BRCA2: variants seen among roughly 807,000 people sequenced by gnomAD.
BRCA2 encodes the protein breast cancer type 2 susceptibility protein.
Under a neutral mutation model 276.7 loss-of-function variants are expected in BRCA2, and 203 were observed. The observed-to-expected ratio is 0.73, with a 90% confidence interval of 0.65 to 0.82. The LOEUF (loss-of-function observed/expected upper bound fraction) is 0.82. BRCA2 is among the 40% of genes least tolerant of loss of function. The pLI, the probability that BRCA2 is intolerant of heterozygous loss-of-function variation, is 0.00. For synonymous variants in BRCA2, 1,289 were observed against 1,338.4 expected (o/e 0.96, Z 0.81); for missense variants, 3,920 against 3,915.0 (o/e 1.00, Z -0.03).
intron 19 of BRCA2, 91 bp downstream of exon 19, chr13:32,370,648 C>G (rs2137598753): frequency 7.1e-7 from 1 of 1,414,820 alleles, no homozygotes; most frequent in Non-Finnish European, 9.8e-7. Context: ...CGGTCTCTTG[C>G]CCAGGCTGGA....
At chr13:32,327,565 G>C (rs1290180572) in intron 7 of BRCA2, among the ~76,000 whole-genome samples, 3 of 151,674 alleles carry the variant, frequency 2.0e-5, no homozygotes, top group Admixed American at 2.0e-4. Flanking sequence ...AGCTACTCAG[G>C]AGGCTGAGGC....
intron 3 of BRCA2, among the ~76,000 whole-genome samples, chr13:32,320,885 G>T (rs959719681): frequency 3.9e-5 from 6 of 152,142 alleles, no homozygotes; most frequent in African/African-American, 1.4e-4. Context: ...CTTCTAGACT[G>T]CTCATTGAAA....
chr13:32,319,717 T>A (rs1202531349), intron 3 of BRCA2, among the ~76,000 whole-genome samples: 2 of 152,102 alleles, frequency 1.3e-5, no homozygotes. Flanking sequence ...TTGGAAGGAG[T>A]TTCCCTGGCG....
intron 25 of BRCA2, chr13:32,396,249 C>T (rs2073036457): frequency 6.0e-6 from 1 of 165,796 alleles, no homozygotes; most frequent in Non-Finnish European, 1.3e-5. Flanking sequence ...ACTGGGTTTA[C>T]AGGCATGAGC....
In BRCA2 at chr13:32,325,102, A is replaced by G. The variant is rs56242644; in HGVS notation, c.343A>G (p.Lys115Glu). 32 of 1,602,198 alleles carry G rather than the reference A, an allele frequency of 2.0e-5. No individual in the cohort carries two copies. Among genetic ancestry groups the G allele is most frequent in the Non-Finnish European group, 2.4e-5 (28 of 1,169,254 alleles). Residue 115 changes from lysine to glutamate, a missense_variant, in exon 4 of 27, where the codon AAA becomes GAA. Around this residue, in one of 2 missense-constraint regions of BRCA2, gnomAD observed 3,263 missense variants for 3,156.9 expected, o/e 1.03. Coordinates refer to ENST00000380152, the MANE Select transcript of BRCA2 (RefSeq NM_000059.4). ...AAGGAATGTTCCCAATAGTAGACAT[A>G]AAAGTCTTCGCACAGTGAAAACTAA... Reference protein sequence around the residue: ...LGRNVPNSRHKSLRTVKTKMD... With the variant: ...LGRNVPNSRHESLRTVKTKMD...
chr13:32,373,724 T>A (rs2072852065), intron 20 of BRCA2, among the ~76,000 whole-genome samples: 2 of 152,116 alleles, frequency 1.3e-5, no homozygotes, highest in South Asian at 4.1e-4. Flanking sequence ...TGCCATTGAG[T>A]GACAGCTGCA....
chr13:32,395,960 C>CTTTTTTTTTTTTTTT lies in BRCA2; in HGVS notation c.9502-924_9502-910dup, dbSNP rs397838402. 34 of 79,200 alleles carry CTTTTTTTTTTTTTTT rather than the reference C, an allele frequency of 4.3e-4. 1 individual carries two copies. The highest frequency in any genetic ancestry group is 1.3e-3 in the African/African-American group (14 of 11,134). 4.9% of individuals were successfully genotyped at this position (79,200 alleles called of 1,614,324 possible). On this transcript the variant is annotated intron_variant, in intron 25 of 26. Coordinates refer to ENST00000380152, the MANE Select transcript of BRCA2 (RefSeq NM_000059.4). ...CCACATTTTCTTTTTTTCTTTCTTTCTTTTTTTTTTTTTTTTTTTTTTTTT... is the reference window on the plus strand; with the variant it reads ...CCACATTTTCTTTTTTTCTTTCTTTCTTTTTTTTTTTTTTTTTTTTTTTTTTTTTTTTTTTTTTTT...
At chr13:32,326,640 A>G (rs764258649) in intron 7 of BRCA2, 27 bp downstream of exon 7, 2 of 1,507,448 alleles carry the variant, frequency 1.3e-6, no homozygotes, top group South Asian at 2.3e-5. Flanking sequence ...TGTATTTACA[A>G]GAAAGAGCAG....
At position 32,341,194 on chromosome 13, in the gene BRCA2, TG is replaced by T. The variant is rs397507887; in HGVS notation, c.6841+1del. The T allele has an allele frequency of 6.2e-7, 1 of 1,613,924 alleles. No homozygotes were observed. The highest frequency in any genetic ancestry group is 1.1e-5 in the South Asian group (1 of 91,036). On this transcript the variant is annotated frameshift_variant and splice_region_variant, in exon 11 of 27. Transcript: ENST00000380152. LOFTEE classifies it high-confidence loss of function. ...GKRRGEPLIL[V>X]GEPSIKRNLL... is the part of the protein sequence containing the mutation. ...AGAAGAGGAGAGCCCCTTATCTTAG[TG>T]GGTAAGTGTTCATTTTTACCTTTCG... is the stretch of plus-strand genomic sequence containing the variant.
chr13:32,327,269 G>A (rs2072356952), intron 7 of BRCA2, among the ~76,000 whole-genome samples: 1 of 152,152 alleles, frequency 6.6e-6, no homozygotes, highest in Non-Finnish European at 1.5e-5. Flanking sequence ...ACAACGTGGT[G>A]AAACCCTGTC....
intron 20 of BRCA2, chr13:32,375,324 A>G (rs1446099085): frequency 1.4e-5 from 6 of 434,158 alleles, no homozygotes; most frequent in East Asian, 1.4e-4. Context: ...TTCTCTTGCT[A>G]TTTTCACCAT....
chr13:32,331,678 G>A (rs1392336938), intron 9 of BRCA2, among the ~76,000 whole-genome samples: 1 of 151,264 alleles, frequency 6.6e-6, no homozygotes, highest in Non-Finnish European at 1.5e-5. Context: ...AAAATTTTCA[G>A]AGACAATAAG....
At chr13:32,363,932 A>G (rs561570064) in intron 18 of BRCA2, among the ~76,000 whole-genome samples, 8 of 152,346 alleles carry the variant, frequency 5.3e-5, no homozygotes, top group African/African-American at 1.9e-4. Flanking sequence ...AAACTACATA[A>G]CAGGACTCTT....
rs80359031 is a variant in BRCA2, at chr13:32,363,190, A to T, written c.7988A>T (p.Glu2663Val). 7.4e-6 allele frequency: 12 copies of T among 1,613,572 alleles called. No homozygotes were observed. The highest frequency in any genetic ancestry group is 1.0e-5 in the Non-Finnish European group (12 of 1,179,852). ...GTTTTCACTTTTAGATATGATACGG[A>T]AATTGATAGAAGCAGAAGATCGGCT... ...LLQLKYRYDT[E>V]IDRSRRSAIK... The change falls in exon 18 of 27, where the codon GAA becomes GTA. Residue 2663 changes from glutamate to valine, a missense_variant. Coordinates refer to ENST00000380152, the MANE Select transcript of BRCA2 (RefSeq NM_000059.4).
intron 18 of BRCA2, among the ~76,000 whole-genome samples, chr13:32,367,322 G>C (rs1234223268): frequency 1.3e-5 from 2 of 151,922 alleles, no homozygotes; most frequent in Non-Finnish European, 2.9e-5. Flanking sequence ...TGTAATCCCA[G>C]CTATTTGGGA....
In BRCA2 at chr13:32,354,919, T is replaced by G. The variant is rs863224596; in HGVS notation, c.7066T>G (p.Phe2356Val). The change falls in exon 14 of 27, where the codon TTT (phenylalanine) becomes GTT (valine). Residue 2356 changes from phenylalanine (F) to valine (V), a missense_variant. Phe to Val is a conservative substitution (Grantham distance 50). Coordinates refer to ENST00000380152, the MANE Select transcript of BRCA2 (RefSeq NM_000059.4). ...NPNFTAPGQE[F>V]LSKSHLYEHL... ...AAATTTTACCGCACCTGGTCAAGAATTTCTGTCTAAATCTCATTTGTATGA... is the reference window on the plus strand; with the variant it reads ...AAATTTTACCGCACCTGGTCAAGAAGTTCTGTCTAAATCTCATTTGTATGA... 1 of 1,613,746 alleles carries G rather than the reference T, an allele frequency of 6.2e-7. No homozygotes were observed. The highest frequency in any genetic ancestry group is 1.3e-5 in the African/African-American group (1 of 74,914).
At chr13:32,333,477 C>T (rs2072426458) in intron 10 of BRCA2, 90 bp downstream of exon 10, 3 of 1,362,564 alleles carry the variant, frequency 2.2e-6, no homozygotes, top group Admixed American at 2.1e-5. Flanking sequence ...TTAAAATCTT[C>T]ATATCTTATA....
intron 11 of BRCA2, among the ~76,000 whole-genome samples, chr13:32,342,459 T>G (rs1341601605): frequency 6.6e-6 from 1 of 152,186 alleles, no homozygotes; most frequent in Non-Finnish European, 1.5e-5. Flanking sequence ...CCCTTTTAAA[T>G]GTATATATAT....
In BRCA2 at chr13:32,333,270, A is replaced by G. The variant is rs28897710; in HGVS notation, c.1792A>G (p.Thr598Ala). Reference protein sequence around the residue: ...NKFIYAIHDETSYKGKKIPKD... With the variant: ...NKFIYAIHDEASYKGKKIPKD... Reference sequence around the variant, plus strand: ...GTTTATTTATGCTATACATGATGAAACATCTTATAAAGGAAAAAAAATACC... The same window carrying G: ...GTTTATTTATGCTATACATGATGAAGCATCTTATAAAGGAAAAAAAATACC... The change falls in exon 10 of 27, where the codon ACA (threonine) becomes GCA (alanine). Residue 598 changes from threonine (T) to alanine (A), a missense_variant. By Grantham distance (58) the Thr-to-Ala change is moderately conservative. This residue lies in a region of BRCA2 where 3,263 missense variants were observed against 3,156.9 expected (regional missense o/e 1.03). Transcript: ENST00000380152. 2,966 of 1,607,614 alleles carry G rather than the reference A, an allele frequency of 1.8e-3. 6 individuals carry two copies. Among genetic ancestry groups the G allele is most frequent in the Non-Finnish European group, 1.9e-3 (2,239 of 1,177,806 alleles).
Sources: gnomAD v4.1 joint callset for allele counts (sites outside exome capture counted in the v4.1 genomes callset) on GRCh38, gnomAD v4.1.1 for gene constraint, gnomAD v4.1.1 regional missense constraint, MANE v1.5 for transcripts, NCBI Gene and HGNC (gene_info 2026-07-23, HGNC 2026-07-21) for gene names.